CCDC60: variants seen among roughly 807,000 people sequenced by gnomAD.
CCDC60 encodes the protein coiled-coil domain containing 60, also known as coiled-coil domain-containing protein 60.
A neutral mutation model predicts 63.5 loss-of-function variants in CCDC60; 54 were observed. That is an observed-to-expected ratio of 0.85 (90% confidence interval 0.68 to 1.07). The LOEUF (loss-of-function observed/expected upper bound fraction) is 1.07. Among genes scored for constraint, CCDC60 ranks in the 50% least tolerant of loss-of-function variants. The pLI is 0.00. For missense variants in CCDC60, 651 were observed against 684.3 expected, an observed-to-expected ratio of 0.95 and a Z score of 0.54; for synonymous variants, 206 against 238.8, an observed-to-expected ratio of 0.86 and a Z score of 1.27.
intron 1 of CCDC60, among the ~76,000 whole-genome samples, chr12:119,340,295 T>C (rs542741968): frequency 6.6e-6 from 1 of 152,306 alleles, no homozygotes; most frequent in South Asian, 2.1e-4. Context: ...GAGCCTGGCA[T>C]ACAGTAAATA....
intron 2 of CCDC60, among the ~76,000 whole-genome samples, chr12:119,457,201 T>G (rs1381291252): frequency 1.3e-5 from 2 of 152,128 alleles, no homozygotes; most frequent in Non-Finnish European, 2.9e-5. Context: ...ACCCAAGAAT[T>G]TTGCAAAAGT....
intron 1 of CCDC60, among the ~76,000 whole-genome samples, chr12:119,419,517 C>A (rs1355027390): frequency 6.6e-6 from 1 of 152,152 alleles, no homozygotes; most frequent in Non-Finnish European, 1.5e-5. Context: ...GTCCGCCAGA[C>A]CTCACCGTTA....
intron 4 of CCDC60, among the ~76,000 whole-genome samples, chr12:119,488,366 T>C (rs952467788): frequency 2.4e-4 from 37 of 152,224 alleles, no homozygotes; most frequent in African/African-American, 8.7e-4. Context: ...AGGATGCTGA[T>C]TTCCTTGAAG....
chr12:119,487,296 GC>G (rs1363225753), intron 4 of CCDC60, among the ~76,000 whole-genome samples: 2 of 148,932 alleles, frequency 1.3e-5, no homozygotes, highest in Non-Finnish European at 3.0e-5. Context: ...ATTGTTGTGA[GC>G]TTTTTTTTTT....
Position 119,441,980 on chromosome 12 carries a change from A to AT in CCDC60, c.170+13226dup, listed in dbSNP as rs921812478. 3.9e-5 allele frequency among the ~76,000 whole-genome samples: 6 copies of AT among 152,098 alleles called. No homozygotes were observed. In the East Asian group the frequency reaches 7.7e-4, roughly 20 times the overall value. On this transcript the variant is annotated intron_variant, in intron 2 of 13. Transcript: ENST00000327554. ...AAGATACTGCCAGTTTTCCAAGCCC[A>AT]TTTTTTTTAAAGTTTAAAACGCACA...
At chr12:119,435,801 A>G (rs1950313512) in intron 2 of CCDC60, among the ~76,000 whole-genome samples, 1 of 152,198 alleles carries the variant, frequency 6.6e-6, no homozygotes, top group African/African-American at 2.4e-5. Flanking sequence ...TTATGAGGCT[A>G]TGGTTCCACT....
At chr12:119,522,872 C>A (rs949843891) in intron 9 of CCDC60, 67 bp from the exon 10 acceptor site, 72 of 1,412,950 alleles carry the variant, frequency 5.1e-5, no homozygotes, top group Non-Finnish European at 7.2e-5. Flanking sequence ...TGCCATGGAG[C>A]ACTGGGGGCA....
intron 2 of CCDC60, among the ~76,000 whole-genome samples, chr12:119,460,211 G>T (rs1313764676): frequency 1.3e-5 from 2 of 152,170 alleles, no homozygotes; most frequent in Non-Finnish European, 2.9e-5. Flanking sequence ...TCAGAAAATT[G>T]CTCAGATATT....
At chr12:119,411,846 C>G (rs560482254) in intron 1 of CCDC60, among the ~76,000 whole-genome samples, 1 of 152,178 alleles carries the variant, frequency 6.6e-6, no homozygotes, top group African/African-American at 2.4e-5. Context: ...CCCTTTCCCC[C>G]AAGTTTTGTG....
intron 2 of CCDC60, among the ~76,000 whole-genome samples, chr12:119,469,666 A>T (rs1951019419): frequency 6.6e-6 from 1 of 152,206 alleles, no homozygotes. Flanking sequence ...CAGTCAGGCT[A>T]CCAGGAGTAA....
In CCDC60 at chr12:119,428,717, T is replaced by A. The variant is rs367962956; in HGVS notation, c.125T>A (p.Met42Lys). 1 of 1,607,908 alleles carries A rather than the reference T, an allele frequency of 6.2e-7. No individual in the cohort carries two copies. The highest frequency in any genetic ancestry group is 1.1e-5 in the South Asian group (1 of 89,756). ...PDKPMKSIKY[M>K]DKEIINLKKD... ...AAGCCAATGAAGAGCATCAAGTATATGGACAAGGAAATAATAAACCTCAAA... is the reference window on the plus strand; with the variant it reads ...AAGCCAATGAAGAGCATCAAGTATAAGGACAAGGAAATAATAAACCTCAAA... The change falls in exon 2 of 14, where the codon ATG becomes AAG. Residue 42 changes from methionine (M) to lysine (K), a missense_variant. Transcript: ENST00000327554.
At chr12:119,482,841 G>A (rs1031551588) in intron 4 of CCDC60, among the ~76,000 whole-genome samples, 2 of 152,100 alleles carry the variant, frequency 1.3e-5, no homozygotes, top group Non-Finnish European at 1.5e-5. Flanking sequence ...GGCTGATCTC[G>A]AATGGTCTCA....
intron 2 of CCDC60, among the ~76,000 whole-genome samples, chr12:119,463,736 T>C (rs180762220): frequency 2.2e-4 from 34 of 152,382 alleles, no homozygotes; most frequent in Middle Eastern, 3.4e-3. Flanking sequence ...AGAAGTCTCA[T>C]TGAAGTCCAG....
At position 119,360,139 on chromosome 12, in the gene CCDC60, C is replaced by T. The variant is rs1291279747; in HGVS notation, c.90+24873C>T. ...GCAGAGGCACCCCTCACCTCCCGGACGGGGCGGCTGGCCGGGCGGGGGGCT... is the reference window on the plus strand; with the variant it reads ...GCAGAGGCACCCCTCACCTCCCGGATGGGGCGGCTGGCCGGGCGGGGGGCT... On this transcript the variant is annotated intron_variant, in intron 1 of 13. Transcript: ENST00000327554. Among the ~76,000 whole-genome samples, 74 of 149,044 alleles carry T rather than the reference C, an allele frequency of 5.0e-4. No homozygotes were observed. In the South Asian group the frequency reaches 9.0e-3, roughly 18 times the overall value.
intron 1 of CCDC60, among the ~76,000 whole-genome samples, chr12:119,400,349 C>T (rs867791144): frequency 9.2e-5 from 14 of 152,232 alleles, no homozygotes; most frequent in East Asian, 5.8e-4. Flanking sequence ...GCGCCCGGCC[C>T]GGTTGGTTTC....
intron 1 of CCDC60, among the ~76,000 whole-genome samples, chr12:119,345,966 C>G (rs900453406): frequency 1.3e-5 from 2 of 151,354 alleles, no homozygotes; most frequent in African/African-American, 4.9e-5. Context: ...CAAGCACATG[C>G]CGCCATACCC....
intron 3 of CCDC60, among the ~76,000 whole-genome samples, chr12:119,475,143 A>G (rs537845157): frequency 6.6e-6 from 1 of 152,156 alleles, no homozygotes; most frequent in Non-Finnish European, 1.5e-5. Flanking sequence ...ACTCAATGGC[A>G]CCCATAGATT....
At chr12:119,526,207 C>T (rs1952671813) in intron 11 of CCDC60, among the ~76,000 whole-genome samples, 1 of 152,102 alleles carries the variant, frequency 6.6e-6, no homozygotes, top group Non-Finnish European at 1.5e-5. Flanking sequence ...ACTGGCTAGC[C>T]ATATGCAGAA....
chr12:119,344,855 T>TCTCTCTCACA (rs1232194303), intron 1 of CCDC60, among the ~76,000 whole-genome samples: 2 of 114,798 alleles, frequency 1.7e-5, no homozygotes, highest in African/African-American at 3.6e-5. Flanking sequence ...TCTCTCTCTC[T>TCTCTCTCACA]CACACACACA....
Sources: allele counts gnomAD v4.1 joint callset (sites outside exome capture counted in the v4.1 genomes callset), GRCh38; gene constraint gnomAD v4.1.1; transcripts MANE v1.5; gene names NCBI Gene and HGNC (gene_info 2026-07-23, HGNC 2026-07-21).